UNC5D: variants seen among roughly 807,000 people sequenced by gnomAD.
UNC5D encodes unc-5 netrin receptor D, also known as netrin receptor UNC5D.
Under a neutral mutation model 105.4 loss-of-function variants are expected in UNC5D, and 39 were observed. That is an observed-to-expected ratio of 0.37 (90% CI 0.29 to 0.48). The LOEUF (loss-of-function observed/expected upper bound fraction) is 0.48. Among genes scored for constraint, UNC5D ranks in the 20% least tolerant of loss-of-function variants. UNC5D has a pLI of 0.98. For synonymous variants in UNC5D, 452 were observed against 450.4 expected (o/e 1.00, Z -0.04); for missense variants, 991 against 1,202.4 (o/e 0.82, Z 2.60).
chr8:35,454,166 G>A (rs1337424915), intron 1 of UNC5D, among the ~76,000 whole-genome samples: 1 of 152,034 alleles, frequency 6.6e-6, no homozygotes, highest in African/African-American at 2.4e-5. Flanking sequence ...GAGTGGAATG[G>A]GAAAGATAAC....
rs994248855 is a variant in UNC5D, at chr8:35,796,079, C to T, written c.*5516C>T. On this transcript the variant is annotated 3_prime_UTR_variant, in exon 17 of 17. Transcript: ENST00000404895. Reference sequence around the variant, plus strand: ...TGATTCACATCTCAAACCCATACCACTCTCAACTTTTATTTGATGTGTTCA... The same window carrying T: ...TGATTCACATCTCAAACCCATACCATTCTCAACTTTTATTTGATGTGTTCA... 6 of 152,060 alleles carry T rather than the reference C, an allele frequency of 3.9e-5. No homozygotes were observed. Among genetic ancestry groups the T allele is most frequent in the African/African-American group, 1.2e-4 (5 of 41,400 alleles). The allele number at this position is 152,060 out of a possible 1,614,324, so 9.4% of individuals were successfully genotyped here.
At chr8:35,725,514 T>C (rs7844971) in intron 9 of UNC5D, among the ~76,000 whole-genome samples, 22,982 of 151,984 alleles carry the variant, frequency 0.15, 4,134 homozygotes, top group African/African-American at 0.43. Flanking sequence ...GTGGTGCATT[T>C]TTTCCCTCGC....
intron 1 of UNC5D, among the ~76,000 whole-genome samples, chr8:35,292,343 C>T (rs1463876119): frequency 6.6e-6 from 1 of 152,200 alleles, no homozygotes; most frequent in Non-Finnish European, 1.5e-5. Context: ...TGCCAAATTG[C>T]ATTGCTACAA....
chr8:35,688,048 C>T (rs971584278), intron 7 of UNC5D, among the ~76,000 whole-genome samples: 4 of 151,898 alleles, frequency 2.6e-5, no homozygotes, highest in Non-Finnish European at 4.4e-5. Context: ...AAGAGAATGG[C>T]GTGAACCCGG....
intron 1 of UNC5D, among the ~76,000 whole-genome samples, chr8:35,297,797 C>A (rs1443964852): frequency 6.6e-6 from 1 of 151,160 alleles, no homozygotes. Flanking sequence ...TAAATTTTGG[C>A]AAGCTTAATA....
intron 3 of UNC5D, among the ~76,000 whole-genome samples, chr8:35,585,874 T>C (rs552658807): frequency 4.6e-5 from 7 of 152,040 alleles, no homozygotes; most frequent in Admixed American, 1.3e-4. Flanking sequence ...CAGTTATCAC[T>C]CAGGGAGACA....
Position 35,574,684 on chromosome 8 carries a change from A to G in UNC5D, c.466+6443A>G, listed in dbSNP as rs537365285. ...CTGTTAATGGCCCTCTGCTACCCAC[A>G]AATTTGAATATGTAAATAAATACAT... is the stretch of plus-strand genomic sequence containing the variant. On this transcript the variant is annotated intron_variant, in intron 3 of 16. Transcript: ENST00000404895. Among the ~76,000 whole-genome samples the G allele has an allele frequency of 1.1e-3, 174 of 152,250 alleles. 8 individuals are homozygous for G. The South Asian group carries it at 0.034, about 30-fold the overall frequency.
Position 35,437,373 on chromosome 8 carries a change from A to G in UNC5D, c.104-111919A>G, listed in dbSNP as rs369690272. Reference sequence around the variant, plus strand: ...TCTAAGATAAAACTGCAATGAAAAAAAAAAGTAATCCTTTTGATCCATGTA... The same window carrying G: ...TCTAAGATAAAACTGCAATGAAAAAGAAAAGTAATCCTTTTGATCCATGTA... On this transcript the variant is annotated intron_variant, in intron 1 of 16. Coordinates refer to ENST00000404895, the MANE Select transcript of UNC5D (RefSeq NM_080872.4). Among the ~76,000 whole-genome samples, 267 of 152,228 alleles carry G rather than the reference A, an allele frequency of 1.8e-3. 9 individuals are homozygous for G. In the South Asian group the frequency reaches 0.049, roughly 28 times the overall value.
At chr8:35,286,065 C>T (rs1182824384) in intron 1 of UNC5D, among the ~76,000 whole-genome samples, 1 of 152,056 alleles carries the variant, frequency 6.6e-6, no homozygotes, top group Non-Finnish European at 1.5e-5. Flanking sequence ...AGCTGTTTGG[C>T]AGTTAGGACT....
chr8:35,750,456 T>C (rs6468326), intron 12 of UNC5D, 126 bp from the exon 13 acceptor site: 17,357 of 920,864 alleles, frequency 0.019, 622 homozygotes, highest in African/African-American at 0.12. Flanking sequence ...ATCGGGATAA[T>C]TGGGCAATAG....
At chr8:35,538,354 G>A (rs904129547) in intron 1 of UNC5D, among the ~76,000 whole-genome samples, 4 of 142,788 alleles carry the variant, frequency 2.8e-5, no homozygotes, top group African/African-American at 7.7e-5. Context: ...CAGGGCCCAC[G>A]TCATGAAAGG....
intron 1 of UNC5D, among the ~76,000 whole-genome samples, chr8:35,534,955 G>C (rs1216393368): frequency 1.4e-4 from 21 of 152,036 alleles, no homozygotes; most frequent in Admixed American, 1.4e-3. Context: ...CTCTGTTAGG[G>C]AATGTCTCAT....
chr8:35,292,240 G>T (rs1807122538), intron 1 of UNC5D, among the ~76,000 whole-genome samples: 1 of 152,180 alleles, frequency 6.6e-6, no homozygotes, highest in African/African-American at 2.4e-5. Flanking sequence ...GAAGAAGGAA[G>T]TAAAGTGTCC....
At chr8:35,763,760 T>A (rs1801647429) in intron 14 of UNC5D, among the ~76,000 whole-genome samples, 1 of 152,282 alleles carries the variant, frequency 6.6e-6, no homozygotes, top group South Asian at 2.1e-4. Flanking sequence ...GAAGAGAGTT[T>A]ATTTGAGGGC....
At chr8:35,358,048 A>T (rs1801655299) in intron 1 of UNC5D, among the ~76,000 whole-genome samples, 1 of 152,072 alleles carries the variant, frequency 6.6e-6, no homozygotes, top group Admixed American at 6.6e-5. Flanking sequence ...GCACTGGGAA[A>T]ATTTTCTCCT....
intron 4 of UNC5D, among the ~76,000 whole-genome samples, chr8:35,632,584 G>A (rs867720453): frequency 7.9e-5 from 12 of 152,178 alleles, no homozygotes; most frequent in Non-Finnish European, 1.3e-4. Flanking sequence ...TGCTGCATGC[G>A]GAGGTAAGAG....
intron 7 of UNC5D, among the ~76,000 whole-genome samples, chr8:35,690,137 G>C (rs1936740585): frequency 6.6e-6 from 1 of 152,036 alleles, no homozygotes; most frequent in South Asian, 2.1e-4. Flanking sequence ...ATGCATATTA[G>C]TATATTTGTC....
At chr8:35,262,793 TAAAC>T (rs2128823519) in intron 1 of UNC5D, among the ~76,000 whole-genome samples, 1 of 152,310 alleles carries the variant, frequency 6.6e-6, no homozygotes, top group African/African-American at 2.4e-5. Flanking sequence ...TATAGACAGA[TAAAC>T]AATCCCTTCC....
chr8:35,568,754 T>C (rs1817532663), intron 3 of UNC5D, among the ~76,000 whole-genome samples: 1 of 152,186 alleles, frequency 6.6e-6, no homozygotes, highest in Non-Finnish European at 1.5e-5. Context: ...TTAGTTTGGC[T>C]AGGAGATTCT....
Sources: allele counts gnomAD v4.1 joint callset (sites outside exome capture counted in the v4.1 genomes callset), GRCh38; gene constraint gnomAD v4.1.1; transcripts MANE v1.5; gene names NCBI Gene and HGNC (gene_info 2026-07-23, HGNC 2026-07-21).